Variants in ALG10B observed in about 807,000 individuals in gnomAD.
ALG10B encodes ALG10 alpha-1,2-glucosyltransferase B.
ALG10B carries 27 observed loss-of-function variants against 38.7 expected under a neutral mutation model. The ratio of observed to expected loss-of-function variants is 0.70; its 90% CI spans 0.51 to 0.96. The LOEUF is 0.96. ALG10B is among the 40% of genes least tolerant of loss of function. The pLI is 0.00. For missense variants in ALG10B, 522 were observed against 542.7 expected (o/e 0.96, Z 0.38); for synonymous variants, 177 against 193.3 (o/e 0.92, Z 0.70).
At position 38,323,817 on chromosome 12, in the gene ALG10B, A is replaced by T. The variant is rs1454130744; in HGVS notation, c.*2604A>T. On this transcript the variant is annotated 3_prime_UTR_variant, in exon 3 of 3. Transcript: ENST00000308742. ...TTGTCATTAATTTACTATAGTGGAGAACTAAATCTGGGAAGTCAAAATTGA... is the reference window on the plus strand; with the variant it reads ...TTGTCATTAATTTACTATAGTGGAGTACTAAATCTGGGAAGTCAAAATTGA... 1.0e-5 allele frequency: 7 copies of T among 693,970 alleles called. No homozygotes were observed. The Admixed American group carries it at 1.4e-4, about 14-fold the overall frequency. The allele number at this position is 693,970 out of a possible 1,614,324, so 43.0% of individuals were successfully genotyped here. A position where few individuals can be genotyped will look rare whatever the true frequency, so the allele number is the denominator to read the frequency against.
intron 2 of ALG10B, among the ~76,000 whole-genome samples, chr12:38,319,021 G>T (rs1945679800): frequency 6.6e-6 from 1 of 152,170 alleles, no homozygotes. Context: ...AATGGAAGAT[G>T]CTTCAAATAG....
In ALG10B at chr12:38,321,752, A is replaced by G. The variant is rs1433634568; in HGVS notation, c.*539A>G. 6.6e-6 allele frequency: 1 copy of G among 152,652 alleles called. No homozygotes were observed. Among genetic ancestry groups the G allele is most frequent in the Non-Finnish European group, 1.5e-5 (1 of 68,032 alleles). The allele number at this position is 152,652 out of a possible 1,614,324, so 9.5% of individuals were successfully genotyped here. On this transcript the variant is annotated 3_prime_UTR_variant, in exon 3 of 3. Transcript: ENST00000308742. ...GTAAATATAATTTTAATTCTAAGTC[A>G]AAATAGAAATGCATAGATAGTAAAT...
In ALG10B at chr12:38,327,691, G is replaced by A. The variant is rs1453725488; in HGVS notation, c.*6478G>A. On this transcript the variant is annotated 3_prime_UTR_variant, in exon 3 of 3. Coordinates refer to ENST00000308742, the MANE Select transcript of ALG10B (RefSeq NM_001013620.4). ...AAAGAAGTAGTATATGGAGAGAGAG[G>A]TGAAAATCCATGTTTGCTCTCTGCA... 1 of 152,054 alleles carries A rather than the reference G, an allele frequency of 6.6e-6. No individual in the cohort carries two copies. Among genetic ancestry groups the A allele is most frequent in the Non-Finnish European group, 1.5e-5 (1 of 68,020 alleles). 9.4% of individuals were successfully genotyped at this position (152,054 alleles called of 1,614,324 possible). A position where few individuals can be genotyped will look rare whatever the true frequency, so the allele number is the denominator to read the frequency against.
rs774733129 is a variant in ALG10B at position 38,320,921 on chromosome 12, A to G, written c.1130A>G (p.Tyr377Cys). ...AILKYLLVPAYIFAGWSIADS... is the reference protein window; with the variant it reads ...AILKYLLVPACIFAGWSIADS... Reference sequence around the variant, plus strand: ...CTGAAATATTTGTTAGTTCCAGCCTATATATTTGCTGGTTGGAGTATAGCT... The same window carrying G: ...CTGAAATATTTGTTAGTTCCAGCCTGTATATTTGCTGGTTGGAGTATAGCT... Residue 377 changes from tyrosine to cysteine, a missense_variant, in exon 3 of 3, where the codon TAT (tyrosine) becomes TGT (cysteine). Coordinates refer to ENST00000308742, the MANE Select transcript of ALG10B (RefSeq NM_001013620.4). 3.1e-6 allele frequency: 5 copies of G among 1,613,784 alleles called. No homozygotes were observed. Among genetic ancestry groups the G allele is most frequent in the East Asian group, 4.5e-5 (2 of 44,840 alleles).
rs899738471 is a variant in ALG10B at position 38,322,899 on chromosome 12, A to G, written c.*1686A>G. The stretch of plus-strand genomic sequence containing the variant: ...TGCTTGGCTTATTTCACTTACCATA[A>G]TGTCCTCCACGATCATCCATATTGT... On this transcript the variant is annotated 3_prime_UTR_variant, in exon 3 of 3. Coordinates refer to ENST00000308742, the MANE Select transcript of ALG10B (RefSeq NM_001013620.4). The G allele has an allele frequency of 1.3e-5, 2 of 152,140 alleles. No individual in the cohort carries two copies. The highest frequency in any genetic ancestry group is 2.4e-5 in the African/African-American group (1 of 41,422). 9.4% of individuals were successfully genotyped at this position (152,140 alleles called of 1,614,324 possible). A position where few individuals can be genotyped will look rare whatever the true frequency, so the allele number is the denominator to read the frequency against.
rs1476505053 is a variant in ALG10B at position 38,320,619 on chromosome 12, T to A, written c.828T>A (p.Ile276=). The change falls in exon 3 of 3, where the codon ATT becomes ATA. Residue 276 remains isoleucine (I), a synonymous_variant. Transcript: ENST00000308742. ...TAGTAGTTAATGGTGGAATTGTTAT[T>A]GGCGATCGGAGTAGTCATGAAGCCT... ...AFVVVNGGIV[I]GDRSSHEACL... is the part of the protein sequence containing the mutation. The A allele has an allele frequency of 6.2e-7, 1 of 1,614,080 alleles. No homozygotes were observed. The highest frequency in any genetic ancestry group is 1.3e-5 in the African/African-American group (1 of 75,052).
At chr12:38,317,771 T>A (rs2120481910) in intron 1 of ALG10B, 1 of 172,978 alleles carries the variant, frequency 5.8e-6, no homozygotes, top group East Asian at 1.6e-4. Context: ...ATGTTCTGAG[T>A]TTCAGAAATT....
intron 2 of ALG10B, among the ~76,000 whole-genome samples, chr12:38,318,813 C>T (rs1945678398): frequency 6.6e-6 from 1 of 152,108 alleles, no homozygotes; most frequent in South Asian, 2.1e-4. Context: ...ACAGACTTTA[C>T]CTGAGGACTT....
rs1355535080 is a variant in ALG10B at position 38,321,718 on chromosome 12, A to C, written c.*505A>C. On this transcript the variant is annotated 3_prime_UTR_variant, in exon 3 of 3. Transcript: ENST00000308742. ...GATATTCTTGACTGAAAAGTTCCTT[A>C]ACATTTCAGTAAATATAATTTTAAT... The C allele has an allele frequency of 6.6e-6, 1 of 152,642 alleles. No homozygotes were observed. The highest frequency in any genetic ancestry group is 2.4e-5 in the African/African-American group (1 of 41,444). The allele number at this position is 152,642 out of a possible 1,614,324, so 9.5% of individuals were successfully genotyped here.
rs986842911 is a variant in ALG10B at position 38,323,941 on chromosome 12, T to C, written c.*2728T>C. 1 of 701,990 alleles carries C rather than the reference T, an allele frequency of 1.4e-6. No homozygotes were observed. The allele number at this position is 701,990 out of a possible 1,614,324, so 43.5% of individuals were successfully genotyped here. A position where few individuals can be genotyped will look rare whatever the true frequency, so the allele number is the denominator to read the frequency against. On this transcript the variant is annotated 3_prime_UTR_variant, in exon 3 of 3. Transcript: ENST00000308742. ...TACTTCTGAGAGGAGAAGCTTCCACTCTGATCTAGTCTGGCAAAATTGAGG... is the reference window on the plus strand; with the variant it reads ...TACTTCTGAGAGGAGAAGCTTCCACCCTGATCTAGTCTGGCAAAATTGAGG...
In ALG10B at chr12:38,327,528, G is replaced by A. The variant is rs1468865090; in HGVS notation, c.*6315G>A. The A allele has an allele frequency of 6.6e-6, 1 of 152,088 alleles. No homozygotes were observed. Among genetic ancestry groups the A allele is most frequent in the African/African-American group, 2.4e-5 (1 of 41,422 alleles). The allele number at this position is 152,088 out of a possible 1,614,324, so 9.4% of individuals were successfully genotyped here. ...TTGACTGCTGAAGAAACTGAAGGTCGGTCAGGTCAGGTGATTTGCCCAAAG... is the reference window on the plus strand; with the variant it reads ...TTGACTGCTGAAGAAACTGAAGGTCAGTCAGGTCAGGTGATTTGCCCAAAG... On this transcript the variant is annotated 3_prime_UTR_variant, in exon 3 of 3. Transcript: ENST00000308742.
rs148982342 is a variant in ALG10B at position 38,320,168 on chromosome 12, C to G, written c.377C>G (p.Ser126Ter). 187 of 1,613,876 alleles carry G rather than the reference C, an allele frequency of 1.2e-4. No individual in the cohort carries two copies. The highest frequency in any genetic ancestry group is 1.6e-4 in the Non-Finnish European group (183 of 1,179,920). The stretch of plus-strand genomic sequence containing the variant: ...GTTTTTTCTTCCTCCAAGGCTGCCT[C>G]AAGTATCCAGAGAGTCTTGTCAACA... ...HKVQPRNKAA[S>*]SIQRVLSTLT... Residue 126 changes from serine (S) to a stop codon, truncating the protein, a stop_gained, in exon 3 of 3, where the codon TCA (serine) becomes TGA (stop). Coordinates refer to ENST00000308742, the MANE Select transcript of ALG10B (RefSeq NM_001013620.4). LOFTEE classifies it high-confidence loss of function.
chr12:38,319,065 A>C (rs1329246540), intron 2 of ALG10B, among the ~76,000 whole-genome samples: 1 of 152,244 alleles, frequency 6.6e-6, no homozygotes, highest in African/African-American at 2.4e-5. Context: ...AGTAAATATT[A>C]ACTCTAATAA....
chr12:38,319,715 C>T (rs1304831593), intron 2 of ALG10B, among the ~76,000 whole-genome samples: 1 of 152,108 alleles, frequency 6.6e-6, no homozygotes, highest in Non-Finnish European at 1.5e-5. Flanking sequence ...TACATTCTCC[C>T]TTGTGTAGTG....
Position 38,317,007 on chromosome 12 carries a change from G to A in ALG10B, c.114G>A (p.Glu38=). 1.9e-6 allele frequency: 3 copies of A among 1,614,086 alleles called. No homozygotes were observed. Among genetic ancestry groups the A allele is most frequent in the Non-Finnish European group, 2.5e-6 (3 of 1,180,010 alleles). ...CGCTGCGAGAGCCCTACATGGACGA[G>A]ATCTTCCACCTGCCTCAGGCGCAGC... ...SRALREPYMD[E]IFHLPQAQRY... The change falls in exon 1 of 3, where the codon GAG becomes GAA. Residue 38 remains glutamate (E), a synonymous_variant. Coordinates refer to ENST00000308742, the MANE Select transcript of ALG10B (RefSeq NM_001013620.4).
intron 2 of ALG10B, among the ~76,000 whole-genome samples, chr12:38,319,857 T>TA (rs1433489281): frequency 6.6e-6 from 1 of 152,166 alleles, no homozygotes; most frequent in Non-Finnish European, 1.5e-5. Context: ...CCACAGAACT[T>TA]AGTCGGTATC....
In ALG10B at chr12:38,318,384, G is replaced by C. The variant is rs1206094034; in HGVS notation, c.295G>C (p.Val99Leu). 6.2e-7 allele frequency: 1 copy of C among 1,613,972 alleles called. No homozygotes were observed. The highest frequency in any genetic ancestry group is 1.1e-5 in the South Asian group (1 of 91,076). ...CTGCTCCATTGGGATGCTCAGATTTGTTAATCTTCTCTTCAGTGTTGGCAA... is the reference window on the plus strand; with the variant it reads ...CTGCTCCATTGGGATGCTCAGATTTCTTAATCTTCTCTTCAGTGTTGGCAA... ...VVCSIGMLRF[V>L]NLLFSVGNFY... Residue 99 changes from valine to leucine, a missense_variant, in exon 2 of 3, where the codon GTT becomes CTT. By Grantham distance (32) the Val-to-Leu change is conservative. Transcript: ENST00000308742.
In ALG10B at chr12:38,327,722, C is replaced by T. The variant is rs1211215570; in HGVS notation, c.*6509C>T. The stretch of plus-strand genomic sequence containing the variant: ...ATCCATGTTTGCTCTCTGCAGTTTC[C>T]AAACCATTCATGACGTGTTATTTTT... On this transcript the variant is annotated 3_prime_UTR_variant, in exon 3 of 3. Coordinates refer to ENST00000308742, the MANE Select transcript of ALG10B (RefSeq NM_001013620.4). The T allele has an allele frequency of 6.6e-6, 1 of 151,956 alleles. No homozygotes were observed. The highest frequency in any genetic ancestry group is 2.4e-5 in the African/African-American group (1 of 41,344). 9.4% of individuals were successfully genotyped at this position (151,956 alleles called of 1,614,324 possible).
At position 38,326,431 on chromosome 12, in the gene ALG10B, T is replaced by G. The variant is rs1183813341; in HGVS notation, c.*5218T>G. 6.6e-6 allele frequency: 1 copy of G among 151,126 alleles called. No homozygotes were observed. Among genetic ancestry groups the G allele is most frequent in the Admixed American group, 6.6e-5 (1 of 15,148 alleles). 9.4% of individuals were successfully genotyped at this position (151,126 alleles called of 1,614,324 possible). A position where few individuals can be genotyped will look rare whatever the true frequency, so the allele number is the denominator to read the frequency against. Reference sequence around the variant, plus strand: ...TTAAAATAAGAAAAACAAATAACTTTCAACCATTAAAAGGTTATAACACTT... The same window carrying G: ...TTAAAATAAGAAAAACAAATAACTTGCAACCATTAAAAGGTTATAACACTT... On this transcript the variant is annotated 3_prime_UTR_variant, in exon 3 of 3. Coordinates refer to ENST00000308742, the MANE Select transcript of ALG10B (RefSeq NM_001013620.4).
Sources: gnomAD v4.1 joint callset for allele counts (sites outside exome capture counted in the v4.1 genomes callset) on GRCh38, gnomAD v4.1.1 for gene constraint, MANE v1.5 for transcripts, NCBI Gene and HGNC (gene_info 2026-07-23, HGNC 2026-07-21) for gene names.